The following CLOCK variants were observed in gnomAD, a reference collection of about 807,000 sequenced individuals.
The protein encoded by CLOCK is clock circadian regulator, also known as circadian locomoter output cycles protein kaput.
Under a neutral mutation model 118.4 loss-of-function variants are expected in CLOCK, and 43 were observed. That is an observed-to-expected ratio of 0.36 (90% CI 0.28 to 0.47). CLOCK has a LOEUF of 0.47. Ranked by LOEUF, CLOCK falls within the 20% of genes least tolerant of loss-of-function variation. The probability of loss-of-function intolerance (pLI) is 1.00; values close to 1 mark genes in which losing one functional copy is unlikely to be tolerated. For missense variants in CLOCK, 846 were observed against 999.9 expected (o/e 0.85, Z 2.08); for synonymous variants, 326 against 339.2 (o/e 0.96, Z 0.43).
intron 1 of CLOCK, among the ~76,000 whole-genome samples, chr4:55,525,392 G>A (rs1343272194): frequency 2.0e-5 from 3 of 152,140 alleles, no homozygotes; most frequent in African/African-American, 2.4e-5. Flanking sequence ...AGAAGATCAC[G>A]TGAGCCCAGG....
chr4:55,515,747 G>A (rs1729470082), intron 1 of CLOCK, among the ~76,000 whole-genome samples: 1 of 152,028 alleles, frequency 6.6e-6, no homozygotes, highest in African/African-American at 2.4e-5. Flanking sequence ...TCTACTTTTT[G>A]TAGTTTCCTA....
chr4:55,463,566 C>T, intron 9 of CLOCK, 119 bp downstream of exon 9: 1 of 847,468 alleles, frequency 1.2e-6, no homozygotes, highest in Non-Finnish European at 1.9e-6. Context: ...GAAAAAGGAC[C>T]TAATAGGGCA....
chr4:55,546,171 C>A (rs550233859), intron 1 of CLOCK, among the ~76,000 whole-genome samples: 1 of 152,154 alleles, frequency 6.6e-6, no homozygotes, highest in Non-Finnish European at 1.5e-5. Flanking sequence ...GGGTCCCCAG[C>A]GAAAGCTCTC....
At chr4:55,497,773 C>CAA (rs1030047735) in intron 2 of CLOCK, among the ~76,000 whole-genome samples, 3 of 152,144 alleles carry the variant, frequency 2.0e-5, no homozygotes, top group African/African-American at 7.2e-5. Context: ...AAAAATCTGT[C>CAA]AATGTCCAAA....
chr4:55,543,125 C>T (rs1731391185), intron 1 of CLOCK, among the ~76,000 whole-genome samples: 1 of 152,074 alleles, frequency 6.6e-6, no homozygotes, highest in African/African-American at 2.4e-5. Context: ...ACTATGTTGC[C>T]CAGGCTGGTC....
At chr4:55,538,800 C>T (rs1439984553) in intron 1 of CLOCK, among the ~76,000 whole-genome samples, 1 of 152,186 alleles carries the variant, frequency 6.6e-6, no homozygotes, top group African/African-American at 2.4e-5. Flanking sequence ...TTATCCTCAG[C>T]AAGAATATAG....
intron 6 of CLOCK, among the ~76,000 whole-genome samples, chr4:55,478,280 G>T (rs1296942077): frequency 6.6e-6 from 1 of 151,628 alleles, no homozygotes; most frequent in East Asian, 1.9e-4. Context: ...GATATACATT[G>T]AAACCTTTTA....
intron 1 of CLOCK, among the ~76,000 whole-genome samples, chr4:55,522,921 C>T (rs896629208): frequency 3.3e-5 from 5 of 152,128 alleles, no homozygotes; most frequent in South Asian, 2.1e-4. Context: ...TGAAGGGGCT[C>T]CTACTGGCCA....
chr4:55,481,284 A>C (rs970900539), intron 4 of CLOCK, among the ~76,000 whole-genome samples: 1 of 152,180 alleles, frequency 6.6e-6, no homozygotes, highest in Admixed American at 6.5e-5. Context: ...TTTATAAAAA[A>C]TTGTTATATG....
At chr4:55,523,183 C>T (rs1319632835) in intron 1 of CLOCK, among the ~76,000 whole-genome samples, 2 of 151,994 alleles carry the variant, frequency 1.3e-5, no homozygotes, top group African/African-American at 4.8e-5. Context: ...ACCTGTAGTC[C>T]CAGCTACTTG....
At chr4:55,519,035 T>G (rs182609900) in intron 1 of CLOCK, among the ~76,000 whole-genome samples, 8 of 152,246 alleles carry the variant, frequency 5.3e-5, no homozygotes, top group African/African-American at 1.9e-4. Flanking sequence ...TGCTTATTAT[T>G]CAAGTCCTGC....
At chr4:55,461,485 C>T (rs1030626732) in intron 9 of CLOCK, among the ~76,000 whole-genome samples, 1 of 152,150 alleles carries the variant, frequency 6.6e-6, no homozygotes, top group Non-Finnish European at 1.5e-5. Context: ...AGCTACTGTA[C>T]CAGGCAGGAT....
At chr4:55,463,343 T>A (rs566250824) in intron 9 of CLOCK, among the ~76,000 whole-genome samples, 1 of 152,112 alleles carries the variant, frequency 6.6e-6, no homozygotes, top group African/African-American at 2.4e-5. Flanking sequence ...AAAATTAGAA[T>A]GTTTAATTTT....
chr4:55,546,835 G>T lies in CLOCK; in HGVS notation c.-343C>A, dbSNP rs985564719. ...ATTTCCTTCGCGCTCTCGCTCTCCG[G>T]GGTTTCCTTTTTTAAACCGGCAGCC... On this transcript the variant is annotated 5_prime_UTR_variant, in exon 1 of 23. Coordinates refer to ENST00000513440, the MANE Select transcript of CLOCK (RefSeq NM_004898.4). 6.6e-6 allele frequency: 1 copy of T among 152,180 alleles called. No individual in the cohort carries two copies. Among genetic ancestry groups the T allele is most frequent in the African/African-American group, 2.4e-5 (1 of 41,428 alleles). 9.4% of individuals were successfully genotyped at this position (152,180 alleles called of 1,614,324 possible). A position where few individuals can be genotyped will look rare whatever the true frequency, so the allele number is the denominator to read the frequency against.
intron 7 of CLOCK, among the ~76,000 whole-genome samples, chr4:55,473,607 C>T (rs575035358): frequency 1.3e-5 from 2 of 152,180 alleles, no homozygotes; most frequent in Non-Finnish European, 2.9e-5. Flanking sequence ...TACAGGCATA[C>T]CTTGTTTTAT....
At chr4:55,520,153 G>A (rs1729769017) in intron 1 of CLOCK, among the ~76,000 whole-genome samples, 1 of 152,120 alleles carries the variant, frequency 6.6e-6, no homozygotes, top group Admixed American at 6.5e-5. Flanking sequence ...AAGCCCTCTG[G>A]GTTCCACAGT....
chr4:55,507,042 G>A (rs1186429563), intron 2 of CLOCK, among the ~76,000 whole-genome samples: 3 of 152,106 alleles, frequency 2.0e-5, no homozygotes, highest in South Asian at 2.1e-4. Flanking sequence ...GGCTGGGCAC[G>A]GTGGCTCATG....
chr4:55,450,309 A>C, intron 15 of CLOCK, 77 bp from the exon 16 acceptor site: 1 of 1,575,630 alleles, frequency 6.3e-7, no homozygotes, highest in East Asian at 2.2e-5. Context: ...TGTTAACAAC[A>C]ACAAAAAAAT....
intron 7 of CLOCK, among the ~76,000 whole-genome samples, chr4:55,475,350 C>T (rs939079272): frequency 6.6e-6 from 1 of 152,154 alleles, no homozygotes; most frequent in African/African-American, 2.4e-5. Flanking sequence ...AAAGTGATTT[C>T]TTGAGATCGA....
Sources: allele counts gnomAD v4.1 joint callset (sites outside exome capture counted in the v4.1 genomes callset), GRCh38; gene constraint gnomAD v4.1.1; transcripts MANE v1.5; gene names NCBI Gene and HGNC (gene_info 2026-07-23, HGNC 2026-07-21).